FBXL13: variants seen among roughly 807,000 people sequenced by gnomAD.
The protein encoded by FBXL13 is F-box and leucine-rich repeat protein 13.
FBXL13 carries 67 observed loss-of-function variants against 83.6 expected under a neutral mutation model. That is an observed-to-expected ratio of 0.80 (90% confidence interval 0.66 to 0.98). The LOEUF is 0.98. Among genes scored for constraint, FBXL13 ranks in the 50% least tolerant of loss-of-function variants. The pLI, the probability that FBXL13 is intolerant of heterozygous loss-of-function variation, is 0.00. For missense variants in FBXL13, 822 were observed against 866.5 expected, an observed-to-expected ratio of 0.95 and a Z score of 0.64; for synonymous variants, 272 against 299.5, an observed-to-expected ratio of 0.91 and a Z score of 0.95.
intron 7 of FBXL13, among the ~76,000 whole-genome samples, chr7:102,965,047 C>G (rs553546443): frequency 3.7e-4 from 56 of 152,290 alleles, no homozygotes; most frequent in African/African-American, 1.3e-3. Flanking sequence ...ATCTAGAGGA[C>G]TTACTGGACC....
At chr7:103,027,064 C>T (rs772455992) in intron 5 of FBXL13, among the ~76,000 whole-genome samples, 6 of 152,098 alleles carry the variant, frequency 3.9e-5, no homozygotes, top group Admixed American at 2.6e-4. Context: ...GAGGCCGAGG[C>T]GGGCAGATCA....
intron 2 of FBXL13, chr7:103,055,108 A>C: frequency 7.8e-7 from 1 of 1,288,414 alleles, no homozygotes; most frequent in Non-Finnish European, 1.0e-6. Context: ...TCCAATTCAA[A>C]AAGTTGTTCC....
intron 2 of FBXL13, among the ~76,000 whole-genome samples, chr7:103,051,798 G>A (rs1281621324): frequency 2.0e-5 from 3 of 152,178 alleles, no homozygotes; most frequent in Admixed American, 2.0e-4. Flanking sequence ...TAGAACAGCT[G>A]GATTGGTTAC....
intron 8 of FBXL13, among the ~76,000 whole-genome samples, chr7:102,954,430 G>A (rs112729192): frequency 3.3e-5 from 5 of 152,178 alleles, no homozygotes; most frequent in African/African-American, 1.2e-4. Context: ...ACCAGCCACT[G>A]CAAAAACATG....
chr7:103,068,374 A>G (rs1798595477), intron 1 of FBXL13, among the ~76,000 whole-genome samples: 1 of 152,190 alleles, frequency 6.6e-6, no homozygotes. Flanking sequence ...CAAGGAAGAC[A>G]CCTAACCTAT....
chr7:102,905,876 C>T (rs1424636698), intron 11 of FBXL13, among the ~76,000 whole-genome samples: 3 of 152,026 alleles, frequency 2.0e-5, no homozygotes, highest in African/African-American at 7.2e-5. Context: ...TTTGCATAAA[C>T]AAACAAATAA....
In FBXL13 at chr7:103,046,583, T is replaced by G. The variant is rs185425370; in HGVS notation, c.-1+9061A>C. ...ATCCATCAAAGTATAAAGTTATTCA[T>G]GTATAAGGCTGGTGCAAAATCCTTC... On this transcript the variant is annotated intron_variant, in intron 2 of 19. Coordinates refer to ENST00000313221, the Ensembl canonical transcript of FBXL13. 6.6e-5 allele frequency among the ~76,000 whole-genome samples: 10 copies of G among 152,326 alleles called. No homozygotes were observed. The East Asian group carries it at 1.7e-3, about 26-fold the overall frequency.
intron 16 of FBXL13, among the ~76,000 whole-genome samples, chr7:102,872,004 A>G (rs1008055966): frequency 2.0e-5 from 3 of 152,088 alleles, no homozygotes; most frequent in African/African-American, 7.2e-5. Flanking sequence ...GACTATGACT[A>G]TGACTCCCCT....
At chr7:103,014,062 T>C (rs190980692) in intron 6 of FBXL13, among the ~76,000 whole-genome samples, 1 of 152,204 alleles carries the variant, frequency 6.6e-6, no homozygotes, top group Non-Finnish European at 1.5e-5. Context: ...CCTGGAAACA[T>C]ACAACCTCCA....
At chr7:102,835,649 G>A (rs1328126155) in intron 17 of FBXL13, among the ~76,000 whole-genome samples, 1 of 101,794 alleles carries the variant, frequency 9.8e-6, no homozygotes, top group East Asian at 3.4e-4. Context: ...TCGCTCTGTC[G>A]CCCAGGCTGG....
chr7:102,985,992 C>T (rs1828898827), intron 6 of FBXL13, among the ~76,000 whole-genome samples: 1 of 151,120 alleles, frequency 6.6e-6, no homozygotes, highest in Non-Finnish European at 1.5e-5. Flanking sequence ...AATCCACACC[C>T]CACATCCCTG....
At chr7:102,981,427 T>C (rs1368592833) in intron 6 of FBXL13, among the ~76,000 whole-genome samples, 2 of 142,178 alleles carry the variant, frequency 1.4e-5, no homozygotes, top group African/African-American at 5.2e-5. Context: ...CCTCTTTTTC[T>C]GACATTGCAC....
intron 6 of FBXL13, among the ~76,000 whole-genome samples, chr7:103,002,636 G>T (rs988466009): frequency 6.6e-6 from 1 of 152,202 alleles, no homozygotes; most frequent in Non-Finnish European, 1.5e-5. Context: ...GCCTGGGAAA[G>T]ACTATCTCTC....
exon 9 of FBXL13, chr7:102,931,882 G>T (rs139763231): frequency 5.6e-6 from 9 of 1,613,336 alleles, no homozygotes; most frequent in Non-Finnish European, 7.6e-6. Flanking sequence ...TATACTCACT[G>T]TGAATGTTGG....
At chr7:103,052,503 A>C (rs998576579) in intron 2 of FBXL13, among the ~76,000 whole-genome samples, 4 of 152,228 alleles carry the variant, frequency 2.6e-5, no homozygotes, top group African/African-American at 7.2e-5. Flanking sequence ...ATGTGGATCC[A>C]ACCTAGGTTG....
chr7:103,071,350 CA>C (rs1336066806), intron 1 of FBXL13, among the ~76,000 whole-genome samples: 3 of 152,014 alleles, frequency 2.0e-5, no homozygotes, highest in South Asian at 2.1e-4. Context: ...TCAGTAAGCC[CA>C]GGGGACCAAG....
intron 6 of FBXL13, among the ~76,000 whole-genome samples, chr7:102,972,815 G>A (rs984756291): frequency 6.6e-6 from 1 of 151,846 alleles, no homozygotes; most frequent in African/African-American, 2.4e-5. Context: ...TTAACAAAAT[G>A]TATTGGTTAG....
At chr7:102,889,382 T>G (rs1811222733) in intron 11 of FBXL13, among the ~76,000 whole-genome samples, 1 of 152,136 alleles carries the variant, frequency 6.6e-6, no homozygotes, top group Admixed American at 6.6e-5. Flanking sequence ...CAACCCCAGG[T>G]TTGAGAACTG....
At chr7:102,934,444 G>C (rs765176505) in intron 8 of FBXL13, 1 of 1,614,192 alleles carries the variant, frequency 6.2e-7, no homozygotes, top group African/African-American at 1.3e-5. Flanking sequence ...TTATTTCAAT[G>C]TTGCAGATTC....
Sources: gnomAD v4.1 joint callset for allele counts (sites outside exome capture counted in the v4.1 genomes callset) on GRCh38, gnomAD v4.1.1 for gene constraint, MANE v1.5 for transcripts, NCBI Gene and HGNC (gene_info 2026-07-23, HGNC 2026-07-21) for gene names.